Variants in SPAG9 observed in about 807,000 individuals in gnomAD.
SPAG9 encodes the protein sperm associated antigen 9, also known as C-Jun-amino-terminal kinase-interacting protein 4.
Under a neutral mutation model 166.5 loss-of-function variants are expected in SPAG9, and 35 were observed. The observed-to-expected ratio is 0.21, with a 90% CI of 0.16 to 0.28. The LOEUF (loss-of-function observed/expected upper bound fraction) is 0.28. SPAG9 is among the 10% of genes least tolerant of loss of function. SPAG9 has a pLI of 1.00. For synonymous variants in SPAG9, 534 were observed against 565.5 expected (o/e 0.94, Z 0.79); for missense variants, 1,235 against 1,603.3 (o/e 0.77, Z 3.92).
At chr17:51,073,327 C>CAA (rs924209184) in intron 2 of SPAG9, among the ~76,000 whole-genome samples, 16 of 143,412 alleles carry the variant, frequency 1.1e-4, no homozygotes, top group African/African-American at 3.8e-4. Context: ...GACTCCGTCT[C>CAA]AAAAAAAAAA....
intron 3 of SPAG9, 119 bp from the exon 4 acceptor site, chr17:51,047,588 C>G (rs1174741125): frequency 6.9e-6 from 3 of 436,602 alleles, no homozygotes; most frequent in Non-Finnish European, 1.2e-5. Flanking sequence ...CTACTCGATT[C>G]CAAGTAAGAG....
intron 2 of SPAG9, among the ~76,000 whole-genome samples, chr17:51,075,386 C>T (rs2047942606): frequency 6.6e-6 from 1 of 151,954 alleles, no homozygotes; most frequent in African/African-American, 2.4e-5. Flanking sequence ...GTATCTTCTG[C>T]TTCTTTTTTG....
chr17:51,088,046 T>C (rs2048348439), intron 1 of SPAG9, among the ~76,000 whole-genome samples: 1 of 152,168 alleles, frequency 6.6e-6, no homozygotes, highest in Non-Finnish European at 1.5e-5. Flanking sequence ...TGCCTGGCCC[T>C]GACCCTCTTT....
chr17:51,118,351 C>G (rs142397894), intron 1 of SPAG9, among the ~76,000 whole-genome samples: 162 of 152,228 alleles, frequency 1.1e-3, no homozygotes, highest in African/African-American at 3.8e-3. Context: ...GTCATTTACT[C>G]AAGAAATTAA....
At chr17:51,111,065 G>A (rs1186633866) in intron 1 of SPAG9, among the ~76,000 whole-genome samples, 3 of 151,064 alleles carry the variant, frequency 2.0e-5, no homozygotes, top group Admixed American at 6.6e-5. Context: ...GCAGTGAGCC[G>A]AGATCCCGCC....
At position 51,058,346 on chromosome 17, in the gene SPAG9, T is replaced by C. The variant is rs144960294; in HGVS notation, c.425-1864A>G. Among the ~76,000 whole-genome samples the C allele has an allele frequency of 1.0e-3, 152 of 152,286 alleles. No individual in the cohort carries two copies. The Middle Eastern group carries it at 0.01, about 10-fold the overall frequency. On this transcript the variant is annotated intron_variant, in intron 2 of 29. Transcript: ENST00000262013. ...TAAACTAACTTATTTGAGCCTAACA[T>C]TAACCTTACGATGAAAGTATTATTA...
chr17:51,073,629 G>A (rs1187011712), intron 2 of SPAG9, among the ~76,000 whole-genome samples: 1 of 151,930 alleles, frequency 6.6e-6, no homozygotes, highest in East Asian at 1.9e-4. Context: ...GAAAAAGTGG[G>A]GGAATGTTTA....
chr17:50,985,142 A>C (rs1974953956), intron 23 of SPAG9, 152 bp from the exon 24 acceptor site: 2 of 642,904 alleles, frequency 3.1e-6, no homozygotes, highest in South Asian at 3.7e-5. Context: ...CACTTTCTTC[A>C]CTGTGGATGT....
intron 20 of SPAG9, 158 bp from the exon 21 acceptor site, chr17:50,990,030 C>CT: frequency 1.4e-6 from 1 of 690,276 alleles, no homozygotes; most frequent in Admixed American, 2.8e-5. Context: ...GTCATTACAG[C>CT]ATTTTTTTTT....
chr17:51,104,379 G>A (rs1363189139), intron 1 of SPAG9, among the ~76,000 whole-genome samples: 1 of 152,186 alleles, frequency 6.6e-6, no homozygotes, highest in Non-Finnish European at 1.5e-5. Context: ...GCTTACACCT[G>A]TAATTCTAGC....
At chr17:51,100,834 G>A (rs1023722812) in intron 1 of SPAG9, among the ~76,000 whole-genome samples, 6 of 151,786 alleles carry the variant, frequency 4.0e-5, no homozygotes, top group Admixed American at 2.0e-4. Context: ...CAAGAGAATC[G>A]CTTGAACCTG....
At chr17:51,102,507 A>T (rs1050704687) in intron 1 of SPAG9, among the ~76,000 whole-genome samples, 6 of 147,528 alleles carry the variant, frequency 4.1e-5, no homozygotes, top group African/African-American at 7.4e-5. Flanking sequence ...TTGTATGGAA[A>T]TTTTTTTTTT....
chr17:50,970,182 A>ATT (rs1973673262), intron 29 of SPAG9, among the ~76,000 whole-genome samples: 1 of 152,156 alleles, frequency 6.6e-6, no homozygotes, highest in South Asian at 2.1e-4. Flanking sequence ...ACATCCTGCT[A>ATT]TTTCTAATGC....
Position 50,979,822 on chromosome 17 carries a change from C to A in SPAG9, c.3333G>T (p.Thr1111=). The change falls in exon 26 of 30, where the codon ACG becomes ACT. Residue 1111 remains threonine, a synonymous_variant. Coordinates refer to ENST00000262013, the MANE Select transcript of SPAG9 (RefSeq NM_001130528.3). The part of the protein sequence containing the change: ...GVWVSIRLDS[T]LRLYHAHTYQ... ...AAGTGTGTGCATGATAGAGACGGAGCGTAGAATCCAAGCGAATGGAGACCC... is the reference window on the plus strand; with the variant it reads ...AAGTGTGTGCATGATAGAGACGGAGAGTAGAATCCAAGCGAATGGAGACCC... 6.2e-7 allele frequency: 1 copy of A among 1,614,090 alleles called. No individual in the cohort carries two copies. Among genetic ancestry groups the A allele is most frequent in the African/African-American group, 1.3e-5 (1 of 75,020 alleles).
intron 1 of SPAG9, among the ~76,000 whole-genome samples, chr17:51,092,058 AAAG>A (rs2048481980): frequency 6.6e-6 from 1 of 152,034 alleles, no homozygotes; most frequent in Non-Finnish European, 1.5e-5. Context: ...AAAAGAAAGA[AAAG>A]AAAAAGAATA....
chr17:51,028,223 A>G (rs1009323552), intron 6 of SPAG9, among the ~76,000 whole-genome samples: 3 of 152,280 alleles, frequency 2.0e-5, no homozygotes, highest in African/African-American at 7.2e-5. Context: ...TATAAAGTAA[A>G]TAAGTTACAG....
intron 23 of SPAG9, among the ~76,000 whole-genome samples, 173 bp downstream of exon 23, chr17:50,985,525 T>C (rs1472489403): frequency 6.6e-6 from 1 of 152,000 alleles, no homozygotes; most frequent in African/African-American, 2.4e-5. Context: ...TCGTTTTCTA[T>C]TATACAGTTT....
At chr17:51,113,129 G>A (rs1304908962) in intron 1 of SPAG9, among the ~76,000 whole-genome samples, 5 of 151,928 alleles carry the variant, frequency 3.3e-5, no homozygotes, top group Admixed American at 6.6e-5. Flanking sequence ...CGAGGCCGGC[G>A]GATCACCTGA....
chr17:51,056,065 A>AAAAT (rs2047354720), intron 3 of SPAG9, among the ~76,000 whole-genome samples: 1 of 152,154 alleles, frequency 6.6e-6, no homozygotes, highest in East Asian at 1.9e-4. Context: ...TAATTTCCAA[A>AAAAT]CTCATAAAAA....
Sources: allele counts gnomAD v4.1 joint callset (sites outside exome capture counted in the v4.1 genomes callset), GRCh38; gene constraint gnomAD v4.1.1; transcripts MANE v1.5; gene names NCBI Gene and HGNC (gene_info 2026-07-23, HGNC 2026-07-21).